The following AP5Z1 variants were observed in gnomAD, a reference collection of about 807,000 sequenced individuals.
The protein encoded by AP5Z1 is AP-5 complex subunit zeta-1.
A neutral mutation model predicts 83.0 loss-of-function variants in AP5Z1; 106 were observed. The observed-to-expected ratio is 1.28, with a 90% CI of 1.09 to 1.50. The LOEUF (loss-of-function observed/expected upper bound fraction) is 1.50, where lower values mean the gene tolerates loss of function less well. Among genes scored for constraint, AP5Z1 ranks in the 40% most tolerant of loss-of-function variants. The pLI, the probability that AP5Z1 is intolerant of heterozygous loss-of-function variation, is 0.00. For missense variants in AP5Z1, 1,565 were observed against 1,094.2 expected (o/e 1.43, Z -6.07); for synonymous variants, 751 against 514.1 (o/e 1.46, Z -6.23).
chr7:4,785,320 C>G, intron 7 of AP5Z1, 95 bp from the exon 8 acceptor site: 1 of 1,493,546 alleles, frequency 6.7e-7, no homozygotes, highest in Non-Finnish European at 9.0e-7. Context: ...CCCCTGCTCC[C>G]GGTCCTGCCT....
In AP5Z1 at chr7:4,793,723, G is replaced by A. The variant is rs189898090; in HGVS notation, c.*2338G>A. 380 of 153,862 alleles carry A rather than the reference G, an allele frequency of 2.5e-3. 1 individual carries two copies. Among genetic ancestry groups the A allele is most frequent in the African/African-American group, 7.9e-3 (327 of 41,620 alleles). 9.5% of individuals were successfully genotyped at this position (153,862 alleles called of 1,614,324 possible). On this transcript the variant is annotated 3_prime_UTR_variant, in exon 17 of 17. Coordinates refer to ENST00000649063, the MANE Select transcript of AP5Z1 (RefSeq NM_014855.3). The stretch of plus-strand genomic sequence containing the variant: ...CACTGGGCCTTAGCTGCCTTCCTGC[G>A]GGGCAGGGCTGGGGACCTGCAGCCC...
chr7:4,788,217 G>A lies in AP5Z1; in HGVS notation c.1518G>A (p.Leu506=). 2 of 1,569,434 alleles carry A rather than the reference G, an allele frequency of 1.3e-6. No homozygotes were observed. Among genetic ancestry groups the A allele is most frequent in the Non-Finnish European group, 1.7e-6 (2 of 1,158,324 alleles). The change falls in exon 12 of 17, where the codon CTG becomes CTA. Residue 506 remains leucine (L), a synonymous_variant. Transcript: ENST00000649063. ...CCTCTCTCAGGGCCCCCAGCTGCCT[G>A]GAGGCCTTCCGGGACCCGCAGTTCC... The part of the protein sequence containing the change: ...WDTSLRAPSC[L]EAFRDPQFQG...
chr7:4,788,424 C>T (rs1021385972), intron 12 of AP5Z1, 130 bp downstream of exon 12: 52 of 1,194,048 alleles, frequency 4.4e-5, no homozygotes, highest in East Asian at 3.2e-4. Context: ...GCTGCGTCCC[C>T]GTCATCACCA....
chr7:4,781,502 G>A (rs922489942), intron 2 of AP5Z1, 66 bp from the exon 3 acceptor site: 48 of 1,567,680 alleles, frequency 3.1e-5, no homozygotes, highest in Non-Finnish European at 3.9e-5. Context: ...AGGTGCTCTG[G>A]GGCACCGGGT....
At position 4,784,202 on chromosome 7, in the gene AP5Z1, G is replaced by T; in HGVS notation, c.622-1G>T. 6.3e-7 allele frequency: 1 copy of T among 1,578,510 alleles called. No homozygotes were observed. The highest frequency in any genetic ancestry group is 8.6e-7 in the Non-Finnish European group (1 of 1,165,026). On this transcript the variant is annotated splice_acceptor_variant, in intron 5 of 16. Transcript: ENST00000649063. LOFTEE classifies it high-confidence loss of function. ...CCCACTCCTGCCTGTCCTTCCCACA[G>T]CCGGGCCCCGTCACCGAGGTGGACG...
intron 10 of AP5Z1, among the ~76,000 whole-genome samples, chr7:4,787,366 G>A (rs1781579980): frequency 6.6e-6 from 1 of 152,116 alleles, no homozygotes; most frequent in African/African-American, 2.4e-5. Context: ...TGTGCCTGTA[G>A]TCTCAGCTGC....
chr7:4,782,279 C>T (rs987295222), intron 3 of AP5Z1, among the ~76,000 whole-genome samples: 3 of 152,148 alleles, frequency 2.0e-5, no homozygotes, highest in African/African-American at 7.2e-5. Flanking sequence ...TGGTCTCAAA[C>T]TTCTGGGCTC....
chr7:4,789,561 G>T (rs140956017), intron 13 of AP5Z1, among the ~76,000 whole-genome samples: 2 of 152,238 alleles, frequency 1.3e-5, no homozygotes, highest in African/African-American at 4.8e-5. Context: ...CAAACAAGAC[G>T]TGTGCCTGGC....
At position 4,785,084 on chromosome 7, in the gene AP5Z1, G is replaced by T. The variant is rs1335253923; in HGVS notation, c.931+36G>T. 10 of 1,560,120 alleles carry T rather than the reference G, an allele frequency of 6.4e-6. No individual in the cohort carries two copies. In the Middle Eastern group the frequency reaches 7.1e-4, roughly 111 times the overall value. On this transcript the variant is annotated intron_variant, in intron 7 of 16. Transcript: ENST00000649063. ...CACCCAGGGCACTGGCCTCCCCAGG[G>T]CTCGACGCACCTGCTCTGCAAGGCC... is the stretch of plus-strand genomic sequence containing the variant.
At chr7:4,785,294 G>T in intron 7 of AP5Z1, 121 bp from the exon 8 acceptor site, 1 of 1,388,608 alleles carries the variant, frequency 7.2e-7, no homozygotes, top group East Asian at 2.5e-5. Flanking sequence ...AAGTCCTCCT[G>T]GGGGCCTGTC....
chr7:4,784,405 G>T (rs1438434094), intron 6 of AP5Z1, 34 bp downstream of exon 6: 1 of 1,554,030 alleles, frequency 6.4e-7, no homozygotes, highest in Non-Finnish European at 8.7e-7. Flanking sequence ...TCAGACAGGG[G>T]TGGGAGGTGG....
At chr7:4,790,208 C>G (rs1431225652) in intron 14 of AP5Z1, 10 of 1,550,050 alleles carry the variant, frequency 6.5e-6, no homozygotes, top group Non-Finnish European at 8.7e-6. Context: ...GTCCTTCTCT[C>G]CAAAGGCCTG....
chr7:4,777,623 A>G (rs373745040), intron 1 of AP5Z1, among the ~76,000 whole-genome samples: 40 of 152,242 alleles, frequency 2.6e-4, no homozygotes, highest in African/African-American at 8.9e-4. Context: ...TCCTGACCTC[A>G]GGTGATCCGC....
chr7:4,779,373 T>C (rs1781316478), intron 1 of AP5Z1, among the ~76,000 whole-genome samples: 1 of 139,782 alleles, frequency 7.2e-6, no homozygotes, highest in South Asian at 2.2e-4. Flanking sequence ...TAACGTGTTA[T>C]ATGTCATATA....
At chr7:4,783,243 C>CA in intron 3 of AP5Z1, 73 bp from the exon 4 acceptor site, 1 of 1,490,218 alleles carries the variant, frequency 6.7e-7, no homozygotes, top group Non-Finnish European at 9.0e-7. Flanking sequence ...GAGTGTCACA[C>CA]AGACTTCCGA....
intron 1 of AP5Z1, among the ~76,000 whole-genome samples, chr7:4,779,339 TAAC>T (rs1562402894): frequency 6.8e-6 from 1 of 146,892 alleles, no homozygotes; most frequent in African/African-American, 2.5e-5. Context: ...ATATGATATA[TAAC>T]ATATAACATG....
intron 12 of AP5Z1, 125 bp from the exon 13 acceptor site, chr7:4,788,715 G>C (rs917180241): frequency 6.0e-6 from 5 of 834,304 alleles, no homozygotes; most frequent in African/African-American, 3.5e-5. Flanking sequence ...AGGAGGTCCC[G>C]AGAGGCGATG....
At position 4,785,051 on chromosome 7, in the gene AP5Z1, G is replaced by A. The variant is rs1381099785; in HGVS notation, c.931+3G>A. ...CCTCATTGAGCAAAGTAACCGACGTGAGTCCCCCACCCAGGGCACTGGCCT... is the reference window on the plus strand; with the variant it reads ...CCTCATTGAGCAAAGTAACCGACGTAAGTCCCCCACCCAGGGCACTGGCCT... On this transcript the variant is annotated splice_donor_region_variant and intron_variant, in intron 7 of 16. Transcript: ENST00000649063. 9.4e-6 allele frequency: 15 copies of A among 1,593,968 alleles called. No individual in the cohort carries two copies. Among genetic ancestry groups the A allele is most frequent in the Admixed American group, 1.7e-5 (1 of 59,150 alleles).
In AP5Z1 at chr7:4,794,377, A is replaced by G. The variant is rs1781885421; in HGVS notation, c.*2992A>G. On this transcript the variant is annotated 3_prime_UTR_variant, in exon 17 of 17. Coordinates refer to ENST00000649063, the MANE Select transcript of AP5Z1 (RefSeq NM_014855.3). Reference sequence around the variant, plus strand: ...ATGCTTTGTTTGTTCGCTCTTTGCAATAAATCTTGCTGCTGCTCACTCTTT... The same window carrying G: ...ATGCTTTGTTTGTTCGCTCTTTGCAGTAAATCTTGCTGCTGCTCACTCTTT... The G allele has an allele frequency of 6.6e-6, 1 of 152,354 alleles. No homozygotes were observed. Among genetic ancestry groups the G allele is most frequent in the Non-Finnish European group, 1.5e-5 (1 of 68,142 alleles). 9.4% of individuals were successfully genotyped at this position (152,354 alleles called of 1,614,324 possible). A position where few individuals can be genotyped will look rare whatever the true frequency, so the allele number is the denominator to read the frequency against.
Sources: gnomAD v4.1 joint callset for allele counts (sites outside exome capture counted in the v4.1 genomes callset) on GRCh38, gnomAD v4.1.1 for gene constraint, MANE v1.5 for transcripts, NCBI Gene and HGNC (gene_info 2026-07-23, HGNC 2026-07-21) for gene names.